FBXL17: variants seen among roughly 807,000 people sequenced by gnomAD.
FBXL17 encodes F-box and leucine rich repeat protein 17.
FBXL17 carries 22 observed loss-of-function variants against 66.2 expected under a neutral mutation model. That is an observed-to-expected ratio of 0.33 (90% confidence interval 0.24 to 0.47). The LOEUF (loss-of-function observed/expected upper bound fraction) is 0.47, where lower values mean the gene tolerates loss of function less well. Ranked by LOEUF, FBXL17 falls within the 20% of genes least tolerant of loss-of-function variation. The pLI, the probability that FBXL17 is intolerant of heterozygous loss-of-function variation, is 1.00. For missense variants in FBXL17, 878 were observed against 948.2 expected (o/e 0.93, Z 0.97); for synonymous variants, 474 against 400.5 (o/e 1.18, Z -2.19).
At chr5:107,925,877 C>G (rs1049881225) in intron 7 of FBXL17, among the ~76,000 whole-genome samples, 1 of 152,166 alleles carries the variant, frequency 6.6e-6, no homozygotes, top group African/African-American at 2.4e-5. Context: ...TCTTAATATG[C>G]AAACAGACTA....
chr5:108,113,566 G>C lies in FBXL17; in HGVS notation c.1745+72551C>G, dbSNP rs750193510. 3.2e-4 allele frequency among the ~76,000 whole-genome samples: 48 copies of C among 152,032 alleles called. 1 individual carries two copies. Among genetic ancestry groups the C allele is most frequent in the Admixed American group, 2.6e-4 (4 of 15,258 alleles). The stretch of plus-strand genomic sequence containing the variant: ...TTATGGGCAAGTGGACAGAAAAAAA[G>C]TAATTCTGAGATGTTCTCCGATGGA... On this transcript the variant is annotated intron_variant, in intron 6 of 8. Coordinates refer to ENST00000542267, the MANE Select transcript of FBXL17 (RefSeq NM_001163315.3).
Position 107,964,381 on chromosome 5 carries a change from G to A in FBXL17, c.1822+56544C>T, listed in dbSNP as rs1362933853. On this transcript the variant is annotated intron_variant, in intron 7 of 8. Transcript: ENST00000542267. ...TCTCAGGGATAAAACTTATTATTTA[G>A]AGAATAAACATTACGAAATTACTGA... Among the ~76,000 whole-genome samples the A allele has an allele frequency of 2.0e-5, 3 of 151,694 alleles. No homozygotes were observed. The South Asian group carries it at 6.3e-4, about 32-fold the overall frequency.
chr5:107,968,545 T>A (rs1752240261), intron 7 of FBXL17, among the ~76,000 whole-genome samples: 1 of 152,150 alleles, frequency 6.6e-6, no homozygotes, highest in South Asian at 2.1e-4. Flanking sequence ...CACTAAACTA[T>A]GCCCATGAAA....
At chr5:107,996,130 C>T (rs577554734) in intron 7 of FBXL17, among the ~76,000 whole-genome samples, 23 of 152,298 alleles carry the variant, frequency 1.5e-4, no homozygotes, top group African/African-American at 5.1e-4. Flanking sequence ...TCCTAATACA[C>T]GCCATGCCTG....
At chr5:108,332,993 T>G (rs529607489) in intron 4 of FBXL17, among the ~76,000 whole-genome samples, 60 of 112,506 alleles carry the variant, frequency 5.3e-4, no homozygotes, top group Non-Finnish European at 6.9e-4. Context: ...ATGAAATGAA[T>G]CTGTATTAAG....
rs138705981 is a variant in FBXL17 at position 108,010,077 on chromosome 5, G to C, written c.1822+10848C>G. On this transcript the variant is annotated intron_variant, in intron 7 of 8. Transcript: ENST00000542267. ...AGTATTTTTCAAACTTCTGGTCATT[G>C]TGTTAAGTGACAAAATTAATCTACT... Among the ~76,000 whole-genome samples, 80 of 152,284 alleles carry C rather than the reference G, an allele frequency of 5.3e-4. No individual in the cohort carries two copies. The East Asian group carries it at 0.014, about 27-fold the overall frequency.
chr5:108,247,374 T>A (rs937366908), intron 4 of FBXL17, among the ~76,000 whole-genome samples: 2 of 151,892 alleles, frequency 1.3e-5, no homozygotes, highest in African/African-American at 4.8e-5. Context: ...ATGTACAAAG[T>A]ATATGAGAGA....
Position 107,990,845 on chromosome 5 carries a change from C to T in FBXL17, c.1822+30080G>A, listed in dbSNP as rs1259714150. Reference sequence around the variant, plus strand: ...GTGTATGTATCTTCTCAGAGACTGACATCTTCTCCGAGACTGGTAGGATTT... The same window carrying T: ...GTGTATGTATCTTCTCAGAGACTGATATCTTCTCCGAGACTGGTAGGATTT... On this transcript the variant is annotated intron_variant, in intron 7 of 8. Coordinates refer to ENST00000542267, the MANE Select transcript of FBXL17 (RefSeq NM_001163315.3). Among the ~76,000 whole-genome samples the T allele has an allele frequency of 1.7e-4, 26 of 152,154 alleles. 1 individual carries two copies. The highest frequency in any genetic ancestry group is 1.4e-3 in the Admixed American group (22 of 15,272).
chr5:108,146,006 C>G (rs1373288739), intron 6 of FBXL17, among the ~76,000 whole-genome samples: 1 of 151,926 alleles, frequency 6.6e-6, no homozygotes, highest in Non-Finnish European at 1.5e-5. Context: ...ATCACGAGGT[C>G]AGGAGATCGA....
intron 5 of FBXL17, among the ~76,000 whole-genome samples, chr5:108,212,990 C>CT (rs949910673): frequency 4.6e-5 from 7 of 152,038 alleles, no homozygotes; most frequent in Admixed American, 6.5e-5. Context: ...GAACTGTTGT[C>CT]TTTTTTTTCA....
At chr5:108,205,410 T>C (rs915363635) in intron 5 of FBXL17, among the ~76,000 whole-genome samples, 3 of 152,164 alleles carry the variant, frequency 2.0e-5, no homozygotes, top group Non-Finnish European at 4.4e-5. Flanking sequence ...AATAATACTT[T>C]GTTATCATTC....
At position 107,936,964 on chromosome 5, in the gene FBXL17, T is replaced by TCAAAAAAGAA. The variant is rs574317597; in HGVS notation, c.1823-55795_1823-55786dup. Among the ~76,000 whole-genome samples the TCAAAAAAGAA allele has an allele frequency of 7.1e-3, 1,073 of 151,164 alleles. 10 individuals are homozygous for TCAAAAAAGAA. The highest frequency in any genetic ancestry group is 0.01 in the Non-Finnish European group (706 of 67,760). On this transcript the variant is annotated intron_variant, in intron 7 of 8. Coordinates refer to ENST00000542267, the MANE Select transcript of FBXL17 (RefSeq NM_001163315.3). ...AGTTTCACTAGTAGTATAAAGAAAC[T>TCAAAAAAGAA]CAAAAAAGAACAAAAATTAGATTAA...
intron 6 of FBXL17, among the ~76,000 whole-genome samples, chr5:108,157,154 A>C (rs1752025245): frequency 1.3e-5 from 2 of 150,466 alleles, no homozygotes; most frequent in South Asian, 2.1e-4. Flanking sequence ...CAGTTCATGC[A>C]CTCCTATCTA....
chr5:107,926,495 G>A (rs543075539), intron 7 of FBXL17, among the ~76,000 whole-genome samples: 1 of 151,796 alleles, frequency 6.6e-6, no homozygotes, highest in African/African-American at 2.4e-5. Flanking sequence ...TGCATCTCCT[G>A]AGTAGGTAAA....
chr5:108,043,804 G>T (rs2112808472), intron 6 of FBXL17, among the ~76,000 whole-genome samples: 1 of 152,278 alleles, frequency 6.6e-6, no homozygotes, highest in Non-Finnish European at 1.5e-5. Context: ...AATTTGGGGA[G>T]AAATTACATG....
chr5:108,026,587 C>G (rs1045394084), intron 6 of FBXL17, among the ~76,000 whole-genome samples: 1 of 152,178 alleles, frequency 6.6e-6, no homozygotes, highest in Non-Finnish European at 1.5e-5. Flanking sequence ...GCTCAAAGCA[C>G]GTTCTTAATA....
intron 6 of FBXL17, among the ~76,000 whole-genome samples, chr5:108,043,651 G>A (rs1311022085): frequency 6.6e-6 from 1 of 152,118 alleles, no homozygotes; most frequent in Non-Finnish European, 1.5e-5. Flanking sequence ...TCCTGAAATT[G>A]AGTAAATGTA....
At chr5:108,124,989 T>A (rs1750641763) in intron 6 of FBXL17, among the ~76,000 whole-genome samples, 1 of 152,000 alleles carries the variant, frequency 6.6e-6, no homozygotes, top group Admixed American at 6.6e-5. Context: ...AAAATCCATG[T>A]TCAACTAAAC....
intron 6 of FBXL17, among the ~76,000 whole-genome samples, chr5:108,050,221 C>G (rs553575044): frequency 5.3e-5 from 8 of 152,276 alleles, no homozygotes; most frequent in Middle Eastern, 3.4e-3. Context: ...TTGAACTTAG[C>G]TCTGGATCAA....
Sources: gnomAD v4.1 joint callset for allele counts (sites outside exome capture counted in the v4.1 genomes callset) on GRCh38, gnomAD v4.1.1 for gene constraint, MANE v1.5 for transcripts, NCBI Gene and HGNC (gene_info 2026-07-23, HGNC 2026-07-21) for gene names.